Variants in MAT2B observed in about 807,000 individuals in gnomAD.
MAT2B encodes methionine adenosyltransferase 2 subunit beta.
MAT2B carries 16 observed loss-of-function variants against 36.1 expected under a neutral mutation model. That is an observed-to-expected ratio of 0.44 (90% CI 0.30 to 0.67). The LOEUF is 0.67. Among genes scored for constraint, MAT2B ranks in the 30% least tolerant of loss-of-function variants. MAT2B has a pLI of 0.09. For synonymous variants in MAT2B, 148 were observed against 136.9 expected (o/e 1.08, Z -0.57); for missense variants, 332 against 398.2 (o/e 0.83, Z 1.42).
At position 163,513,924 on chromosome 5, in the gene MAT2B, A is replaced by G; in HGVS notation, c.456A>G (p.Ile152Met). 1 of 1,613,658 alleles carries G rather than the reference A, an allele frequency of 6.2e-7. No homozygotes were observed. Among genetic ancestry groups the G allele is most frequent in the Non-Finnish European group, 8.5e-7 (1 of 1,179,690 alleles). The change falls in exon 4 of 7, where the codon ATA becomes ATG. Residue 152 changes from isoleucine (I) to methionine (M), a missense_variant. By Grantham distance (10) the Ile-to-Met change is conservative. Transcript: ENST00000321757. ...GTNPPYREEDIPAPLNLYGKT... is the reference protein window; with the variant it reads ...GTNPPYREEDMPAPLNLYGKT... ...ATCCACCTTACAGAGAGGAAGACAT[A>G]CCAGCTCCCCTAAATTTGTATGGCA...
At chr5:163,509,768 A>G (rs1760009490) in intron 1 of MAT2B, among the ~76,000 whole-genome samples, 1 of 152,124 alleles carries the variant, frequency 6.6e-6, no homozygotes, top group African/African-American at 2.4e-5. Context: ...CAATCTTTGT[A>G]GAGCTGTTTT....
chr5:163,518,208 G>A lies in MAT2B; in HGVS notation c.850G>A (p.Val284Ile). Residue 284 changes from valine to isoleucine, a missense_variant, in exon 7 of 7, where the codon GTC (valine) becomes ATC (isoleucine). By Grantham distance (29) the Val-to-Ile change is conservative. Transcript: ENST00000321757. ...TTCTTTAAAGATTACTGACAGCCCT[G>A]TCCTAGGAGCACAACGTCCGAGAAA... ...SHLRPITDSP[V>I]LGAQRPRNAQ... 3 of 1,609,476 alleles carry A rather than the reference G, an allele frequency of 1.9e-6. No individual in the cohort carries two copies. The highest frequency in any genetic ancestry group is 2.5e-6 in the Non-Finnish European group (3 of 1,178,354).
intron 4 of MAT2B, among the ~76,000 whole-genome samples, chr5:163,514,642 A>G (rs1333071958): frequency 6.6e-6 from 1 of 151,902 alleles, no homozygotes; most frequent in East Asian, 1.9e-4. Context: ...TTTGCATTTT[A>G]GTACACATGG....
chr5:163,503,347 A>G (rs1372266345), upstream of MAT2B: 8 of 1,585,648 alleles, frequency 5.0e-6, no homozygotes, highest in Non-Finnish European at 6.9e-6. Flanking sequence ...GAGAAGGCAG[A>G]GGCTAAGACC....
intron 1 of MAT2B, among the ~76,000 whole-genome samples, chr5:163,506,437 G>T (rs1053370307): frequency 2.0e-5 from 3 of 152,026 alleles, no homozygotes; most frequent in East Asian, 3.9e-4. Flanking sequence ...CATCTCTGGT[G>T]CCCCCCTCGC....
intron 4 of MAT2B, among the ~76,000 whole-genome samples, chr5:163,515,262 G>GT (rs1331994008): frequency 1.3e-5 from 2 of 152,170 alleles, no homozygotes; most frequent in Non-Finnish European, 2.9e-5. Flanking sequence ...TGCAGTTAAA[G>GT]TGTTAACTAT....
chr5:163,516,695 C>T lies in MAT2B; in HGVS notation c.704C>T (p.Ala235Val). The T allele has an allele frequency of 6.2e-7, 1 of 1,614,132 alleles. No individual in the cohort carries two copies. Among genetic ancestry groups the T allele is most frequent in the Non-Finnish European group, 8.5e-7 (1 of 1,180,034 alleles). The change falls in exon 5 of 7, where the codon GCA (alanine) becomes GTA (valine). Residue 235 changes from alanine (A) to valine (V), a missense_variant. Ala to Val is a moderately conservative substitution (Grantham distance 64). Coordinates refer to ENST00000321757, the MANE Select transcript of MAT2B (RefSeq NM_013283.5). ...KDVATVCRQL[A>V]EKRMLDPSIK... The stretch of plus-strand genomic sequence containing the variant: ...GTGGCCACTGTGTGCCGGCAGCTAG[C>T]AGAGAAGAGAATGCTGGTAAGAAGG...
chr5:163,515,542 T>C (rs757677820), intron 4 of MAT2B, among the ~76,000 whole-genome samples: 24 of 152,206 alleles, frequency 1.6e-4, no homozygotes, highest in Admixed American at 2.0e-4. Flanking sequence ...AACATTAATA[T>C]GGTACTGTAA....
intron 4 of MAT2B, among the ~76,000 whole-genome samples, chr5:163,516,255 G>A (rs1026010345): frequency 2.0e-5 from 3 of 151,976 alleles, no homozygotes; most frequent in Non-Finnish European, 4.4e-5. Flanking sequence ...TTGCTATGAT[G>A]CCCGGGCTGA....
chr5:163,506,029 A>G (rs1419235066), intron 1 of MAT2B, among the ~76,000 whole-genome samples: 1 of 152,078 alleles, frequency 6.6e-6, no homozygotes, highest in Non-Finnish European at 1.5e-5. Flanking sequence ...CCTGAGGACG[A>G]AGAGGTTTTT....
At chr5:163,513,355 G>T (rs1402513000) in intron 2 of MAT2B, 200 bp from the exon 3 acceptor site, 2 of 475,724 alleles carry the variant, frequency 4.2e-6, no homozygotes, top group African/African-American at 1.9e-5. Context: ...ACTCTTTTCA[G>T]TGCCTATAAA....
chr5:163,516,807 A>T (rs1484180216), intron 5 of MAT2B, 96 bp downstream of exon 5: 2 of 1,349,168 alleles, frequency 1.5e-6, no homozygotes, highest in Admixed American at 1.9e-5. Context: ...TACTGAGTGA[A>T]AGCCAAAAGT....
intron 1 of MAT2B, among the ~76,000 whole-genome samples, chr5:163,510,822 G>C (rs1044974787): frequency 6.6e-6 from 1 of 152,112 alleles, no homozygotes; most frequent in Non-Finnish European, 1.5e-5. Flanking sequence ...ATATTCCTTT[G>C]AAATGTTGAT....
At position 163,518,467 on chromosome 5, in the gene MAT2B, C is replaced by A; in HGVS notation, c.*104C>A. Reference sequence around the variant, plus strand: ...TTTTGTATGAGTACTTTAATTGTGACTCTTAGGATCTTTCAGGTAAATGAT... The same window carrying A: ...TTTTGTATGAGTACTTTAATTGTGAATCTTAGGATCTTTCAGGTAAATGAT... On this transcript the variant is annotated 3_prime_UTR_variant, in exon 7 of 7. Coordinates refer to ENST00000321757, the MANE Select transcript of MAT2B (RefSeq NM_013283.5). 1.1e-6 allele frequency: 1 copy of A among 893,188 alleles called. No homozygotes were observed. Among genetic ancestry groups the A allele is most frequent in the Non-Finnish European group, 1.6e-6 (1 of 614,306 alleles). 55.3% of individuals were successfully genotyped at this position (893,188 alleles called of 1,614,324 possible). A position where few individuals can be genotyped will look rare whatever the true frequency, so the allele number is the denominator to read the frequency against.
chr5:163,510,086 A>T (rs1336492920), intron 1 of MAT2B, among the ~76,000 whole-genome samples: 3 of 152,148 alleles, frequency 2.0e-5, no homozygotes, highest in Admixed American at 2.0e-4. Context: ...GTCTTTGGTT[A>T]TTGTATATGT....
At chr5:163,512,422 G>A in intron 2 of MAT2B, 2 of 558,396 alleles carry the variant, frequency 3.6e-6, no homozygotes, top group Non-Finnish European at 6.4e-6. Flanking sequence ...AAATGCTTAT[G>A]TTTATAGAGT....
chr5:163,504,815 TA>T (rs1458758645), upstream of MAT2B, among the ~76,000 whole-genome samples: 1 of 152,172 alleles, frequency 6.6e-6, no homozygotes, highest in Non-Finnish European at 1.5e-5. Flanking sequence ...CGCTGCTGCT[TA>T]AATTCTCGGT....
At chr5:163,507,941 G>GA (rs1457441883) in intron 1 of MAT2B, among the ~76,000 whole-genome samples, 4 of 152,202 alleles carry the variant, frequency 2.6e-5, no homozygotes, top group Non-Finnish European at 5.9e-5. Flanking sequence ...CTTTAAAGCT[G>GA]AAAGAGCCTT....
upstream of MAT2B, chr5:163,503,327 G>C: frequency 6.8e-7 from 1 of 1,479,770 alleles, no homozygotes; most frequent in South Asian, 1.1e-5. Context: ...AGCGAACAAA[G>C]ACCCAGCAAG....
Sources: gnomAD v4.1 joint callset for allele counts (sites outside exome capture counted in the v4.1 genomes callset) on GRCh38, gnomAD v4.1.1 for gene constraint, MANE v1.5 for transcripts, NCBI Gene and HGNC (gene_info 2026-07-23, HGNC 2026-07-21) for gene names.